The following TMCC1 variants were observed in gnomAD, a reference collection of about 807,000 sequenced individuals.
TMCC1 encodes the protein transmembrane and coiled-coil domains protein 1.
Under a neutral mutation model 52.4 loss-of-function variants are expected in TMCC1, and 15 were observed. That is an observed-to-expected ratio of 0.29 (90% confidence interval 0.19 to 0.44). The LOEUF (loss-of-function observed/expected upper bound fraction) is 0.44. TMCC1 is among the 20% of genes least tolerant of loss of function. TMCC1 has a pLI of 1.00. For synonymous variants in TMCC1, 279 were observed against 301.9 expected (o/e 0.92, Z 0.79); for missense variants, 503 against 806.0 (o/e 0.62, Z 4.55).
At chr3:129,755,066 A>G (rs796738244) in intron 4 of TMCC1, among the ~76,000 whole-genome samples, 3 of 152,244 alleles carry the variant, frequency 2.0e-5, no homozygotes, top group African/African-American at 7.2e-5. Context: ...CGACAGAGTG[A>G]GACTCTGTCT....
chr3:129,669,917 C>T (rs1296311797), intron 5 of TMCC1, among the ~76,000 whole-genome samples: 3 of 152,160 alleles, frequency 2.0e-5, no homozygotes, highest in Non-Finnish European at 4.4e-5. Context: ...GCAGTCTAAT[C>T]TTTCTATACC....
chr3:129,891,353 G>T (rs2108021932), intron 1 of TMCC1, among the ~76,000 whole-genome samples: 1 of 152,270 alleles, frequency 6.6e-6, no homozygotes, highest in South Asian at 2.1e-4. Flanking sequence ...TTTTTAAATG[G>T]CTAGGGGAAA....
At chr3:129,816,038 A>G (rs1287767894) in intron 4 of TMCC1, among the ~76,000 whole-genome samples, 1 of 152,200 alleles carries the variant, frequency 6.6e-6, no homozygotes, top group Non-Finnish European at 1.5e-5. Context: ...CCACAATGAG[A>G]CATCACATCA....
intron 4 of TMCC1, among the ~76,000 whole-genome samples, chr3:129,773,091 A>G (rs2054746804): frequency 6.6e-6 from 1 of 152,240 alleles, no homozygotes; most frequent in Non-Finnish European, 1.5e-5. Context: ...ATTTGTAAAC[A>G]TAAAAGCCCA....
At chr3:129,807,426 T>C (rs1423340335) in intron 4 of TMCC1, among the ~76,000 whole-genome samples, 8 of 152,090 alleles carry the variant, frequency 5.3e-5, no homozygotes, top group Admixed American at 5.2e-4. Context: ...AGTCTTTGAG[T>C]TTTCCAGATT....
intron 1 of TMCC1, among the ~76,000 whole-genome samples, chr3:129,882,637 T>C (rs578238743): frequency 3.3e-5 from 5 of 152,180 alleles, no homozygotes; most frequent in Non-Finnish European, 7.3e-5. Context: ...CATGAACAGA[T>C]GCATAGATAA....
intron 4 of TMCC1, among the ~76,000 whole-genome samples, chr3:129,798,595 C>G (rs1172959752): frequency 6.6e-6 from 1 of 150,590 alleles, no homozygotes; most frequent in Non-Finnish European, 1.5e-5. Flanking sequence ...ACTTAATTTC[C>G]CTCACTAACA....
intron 2 of TMCC1, among the ~76,000 whole-genome samples, chr3:129,876,694 C>T (rs1236049223): frequency 6.6e-6 from 1 of 152,110 alleles, no homozygotes; most frequent in African/African-American, 2.4e-5. Context: ...GTGGCTCACG[C>T]CTGTAATCCC....
At chr3:129,770,298 T>C (rs537580389) in intron 4 of TMCC1, among the ~76,000 whole-genome samples, 1 of 152,298 alleles carries the variant, frequency 6.6e-6, no homozygotes, top group Non-Finnish European at 1.5e-5. Flanking sequence ...GGAGGATCAC[T>C]TCAGGCCAGG....
chr3:129,762,760 T>C lies in TMCC1; in HGVS notation c.576+65043A>G, dbSNP rs540726727. ...TCATACCACTGCTTTGCACCCTGGG[T>C]GACAGAGTAAGGCTATGTCTCAAAA... On this transcript the variant is annotated intron_variant, in intron 4 of 6. Transcript: ENST00000393238. 6.6e-5 allele frequency among the ~76,000 whole-genome samples: 10 copies of C among 152,224 alleles called. No homozygotes were observed. The East Asian group carries it at 1.9e-3, about 29-fold the overall frequency.
intron 4 of TMCC1, chr3:129,794,400 A>C (rs528940475): frequency 2.4e-5 from 11 of 455,976 alleles, no homozygotes; most frequent in Admixed American, 7.1e-5. Context: ...CAATCCACGA[A>C]GGGTTTTTTA....
chr3:129,848,890 A>G (rs1028243852), intron 2 of TMCC1, among the ~76,000 whole-genome samples: 3 of 150,570 alleles, frequency 2.0e-5, no homozygotes, highest in Non-Finnish European at 4.4e-5. Flanking sequence ...TTCTGCTACT[A>G]TGGCTCGCTC....
intron 4 of TMCC1, among the ~76,000 whole-genome samples, chr3:129,710,470 C>T (rs2048591576): frequency 6.6e-6 from 1 of 152,104 alleles, no homozygotes; most frequent in African/African-American, 2.4e-5. Flanking sequence ...GCTATCATTC[C>T]ATTTTAAATA....
In TMCC1 at chr3:129,691,832, G is replaced by A; in HGVS notation, c.577-20568C>T. Among the ~76,000 whole-genome samples the A allele has an allele frequency of 2.6e-5, 4 of 152,218 alleles. No individual in the cohort carries two copies. The Middle Eastern group carries it at 0.014, about 518-fold the overall frequency. ...AGTATAAAACATTTTCCTACCTTTAGAGAGTATTAATAAATTAGATTATAA... is the reference window on the plus strand; with the variant it reads ...AGTATAAAACATTTTCCTACCTTTAAAGAGTATTAATAAATTAGATTATAA... On this transcript the variant is annotated intron_variant, in intron 4 of 6. Coordinates refer to ENST00000393238, the MANE Select transcript of TMCC1 (RefSeq NM_001017395.5).
chr3:129,764,770 T>C (rs1409949965), intron 4 of TMCC1, among the ~76,000 whole-genome samples: 2 of 46,376 alleles, frequency 4.3e-5, no homozygotes, highest in Non-Finnish European at 6.5e-5. Flanking sequence ...TATATATATA[T>C]ATATATATAT....
At chr3:129,787,273 A>G (rs1239334728) in intron 4 of TMCC1, among the ~76,000 whole-genome samples, 2 of 152,204 alleles carry the variant, frequency 1.3e-5, no homozygotes, top group Non-Finnish European at 2.9e-5. Context: ...AGTGAAAAGG[A>G]AAGCTATGAA....
At chr3:129,691,891 C>G (rs370979012) in intron 4 of TMCC1, among the ~76,000 whole-genome samples, 159 of 152,238 alleles carry the variant, frequency 1.0e-3, no homozygotes, top group African/African-American at 3.4e-3. Context: ...GGATCTCATT[C>G]GTTTTACAGA....
intron 4 of TMCC1, among the ~76,000 whole-genome samples, chr3:129,747,515 T>C (rs1361083266): frequency 6.6e-6 from 1 of 152,234 alleles, no homozygotes; most frequent in African/African-American, 2.4e-5. Context: ...TCCTATCTAA[T>C]ACCACAAGGT....
At chr3:129,840,975 T>C (rs2059399658) in intron 2 of TMCC1, among the ~76,000 whole-genome samples, 1 of 151,988 alleles carries the variant, frequency 6.6e-6, no homozygotes, top group South Asian at 2.1e-4. Flanking sequence ...CTGGAAAAGT[T>C]TGGAGGGCTC....
Sources: gnomAD v4.1 joint callset for allele counts (sites outside exome capture counted in the v4.1 genomes callset) on GRCh38, gnomAD v4.1.1 for gene constraint, MANE v1.5 for transcripts, NCBI Gene and HGNC (gene_info 2026-07-23, HGNC 2026-07-21) for gene names.